BTBD7: variants seen among roughly 807,000 people sequenced by gnomAD.
BTBD7 encodes the protein BTB domain containing 7.
Under a neutral mutation model 99.9 loss-of-function variants are expected in BTBD7, and 38 were observed. The observed-to-expected ratio is 0.38, with a 90% CI of 0.29 to 0.50. The LOEUF is 0.50. Among genes scored for constraint, BTBD7 ranks in the 20% least tolerant of loss-of-function variants. BTBD7 has a pLI of 0.93. For missense variants in BTBD7, 1,170 were observed against 1,394.6 expected (o/e 0.84, Z 2.57); for synonymous variants, 520 against 511.4 (o/e 1.02, Z -0.23).
intron 6 of BTBD7, among the ~76,000 whole-genome samples, chr14:93,255,312 A>G (rs1460724169): frequency 6.6e-6 from 1 of 151,832 alleles, no homozygotes; most frequent in Non-Finnish European, 1.5e-5. Context: ...TGCCTGGCTA[A>G]TTTTTGTATT....
chr14:93,294,170 G>A lies in BTBD7; in HGVS notation c.850C>T (p.Arg284Trp). ...LKAHKAVISARSPFFRNLLQR... is the reference protein window; with the variant it reads ...LKAHKAVISAWSPFFRNLLQR... ...AATAAATTTCGAAAAAATGGGGACC[G>A]TGCAGAAATAACAGCCTTGTGGGCT... is the stretch of plus-strand genomic sequence containing the variant. Residue 284 changes from arginine (R) to tryptophan (W), a missense_variant, in exon 3 of 11, where the codon CGG becomes TGG. By Grantham distance (101) the Arg-to-Trp change is moderately radical. Transcript: ENST00000334746. 6.2e-7 allele frequency: 1 copy of A among 1,614,152 alleles called. No individual in the cohort carries two copies. The highest frequency in any genetic ancestry group is 8.5e-7 in the Non-Finnish European group (1 of 1,180,008).
At chr14:93,262,871 T>A (rs8023054) in intron 4 of BTBD7, among the ~76,000 whole-genome samples, 2,131 of 151,370 alleles carry the variant, frequency 0.014, 24 homozygotes, top group Middle Eastern at 0.034. Flanking sequence ...AACACAAACA[T>A]AAAGCGTCCA....
chr14:93,244,083 G>A, intron 10 of BTBD7: 1 of 474,716 alleles, frequency 2.1e-6, no homozygotes, highest in Non-Finnish European at 4.2e-6. Context: ...AAGTGACACA[G>A]TAGAGGAAGG....
rs1027047170 is a variant in BTBD7, at chr14:93,241,082, G to C, written c.*1191C>G. 6 of 151,900 alleles carry C rather than the reference G, an allele frequency of 3.9e-5. No individual in the cohort carries two copies. Among genetic ancestry groups the C allele is most frequent in the African/African-American group, 1.5e-4 (6 of 41,316 alleles). The allele number at this position is 151,900 out of a possible 1,614,324, so 9.4% of individuals were successfully genotyped here. A position where few individuals can be genotyped will look rare whatever the true frequency, so the allele number is the denominator to read the frequency against. On this transcript the variant is annotated 3_prime_UTR_variant, in exon 11 of 11. Transcript: ENST00000334746. ...AGTCAGTTCCGCCATCACAGCTGGA[G>C]AGTTGACGCTCAGAACCAGAAATTC...
chr14:93,248,375 G>A (rs1263565414), intron 9 of BTBD7, 101 bp downstream of exon 9: 6 of 1,264,298 alleles, frequency 4.7e-6, no homozygotes, highest in South Asian at 1.4e-5. Flanking sequence ...AAGCACATAC[G>A]ACGAAAAGGA....
At chr14:93,244,823 A>C (rs1387390389) in intron 10 of BTBD7, among the ~76,000 whole-genome samples, 1 of 150,626 alleles carries the variant, frequency 6.6e-6, no homozygotes, top group Non-Finnish European at 1.5e-5. Flanking sequence ...ATAGCATGTG[A>C]CTGAGTATGA....
Position 93,245,976 on chromosome 14 carries a change from C to A in BTBD7, c.2432G>T (p.Gly811Val), listed in dbSNP as rs1238381263. 5.6e-6 allele frequency: 9 copies of A among 1,613,904 alleles called. No individual in the cohort carries two copies. The highest frequency in any genetic ancestry group is 7.6e-6 in the Non-Finnish European group (9 of 1,180,028). Residue 811 changes from glycine (G) to valine (V), a missense_variant, in exon 10 of 11, where the codon GGC becomes GTC. Physicochemically the swap from Gly to Val is moderately radical, Grantham distance 109. Around this residue, in one of 4 missense-constraint regions of BTBD7, gnomAD observed 495 missense variants for 525.9 expected, o/e 0.94. Transcript: ENST00000334746. ...LFHSRTAPKA[G>V]PPPVYLPSVK... ...ACTCGGCAAGTAGACTGGGGGAGGG[C>A]CAGCTTTAGGAGCTGTTCTGGAGTG...
rs1433883736 is a variant in BTBD7, at chr14:93,332,826, G to A, written c.-113C>T. ...GACACCAAGGGACACTCACCCCGGA[G>A]GCTCCTCCCGCCGCTGCTGCTGCCG... On this transcript the variant is annotated 5_prime_UTR_variant, in exon 1 of 11. Transcript: ENST00000334746. The A allele has an allele frequency of 4.7e-6, 7 of 1,477,224 alleles. No homozygotes were observed. Among genetic ancestry groups the A allele is most frequent in the African/African-American group, 4.4e-5 (3 of 68,184 alleles). 91.5% of individuals were successfully genotyped at this position (1,477,224 alleles called of 1,614,324 possible).
rs1365058301 is a variant in BTBD7, at chr14:93,242,329, T to A, written c.3343A>T (p.Arg1115Ter). ...GGCTTGCTTGGTGACCTCCTTCCTC[T>A]GCTTATTGAATCTTCCCTTTCCAAA... is the stretch of plus-strand genomic sequence containing the variant. ...TDLEREDSIS[R>*]GRRSPSKPDF... Residue 1115 changes from arginine (R) to a stop codon, truncating the protein, a stop_gained, in exon 11 of 11, where the codon AGA becomes TGA. Coordinates refer to ENST00000334746, the MANE Select transcript of BTBD7 (RefSeq NM_001002860.4). LOFTEE classifies it high-confidence loss of function. 1 of 1,614,214 alleles carries A rather than the reference T, an allele frequency of 6.2e-7. No individual in the cohort carries two copies. Among genetic ancestry groups the A allele is most frequent in the East Asian group, 2.2e-5 (1 of 44,882 alleles).
intron 10 of BTBD7, chr14:93,244,130 A>T (rs766256354): frequency 4.1e-6 from 2 of 484,494 alleles, no homozygotes; most frequent in East Asian, 6.0e-5. Context: ...AAGCAGCATG[A>T]CAGGAAGCAG....
intron 3 of BTBD7, among the ~76,000 whole-genome samples, chr14:93,276,012 C>T (rs1261569899): frequency 6.6e-6 from 1 of 152,000 alleles, no homozygotes; most frequent in Non-Finnish European, 1.5e-5. Flanking sequence ...CCCAGGAGTC[C>T]AAGACCAGCT....
rs753014587 is a variant in BTBD7 at position 93,294,801 on chromosome 14, A to G, written c.219T>C (p.Arg73=). Residue 73 remains arginine, a synonymous_variant, in exon 3 of 11, where the codon CGT becomes CGC. Transcript: ENST00000334746. The part of the protein sequence containing the change: ...LATLKKKFIK[R]RKSNRSADHA... ...GATCGGCAGACCTATTAGATTTCCG[A>G]CGCTTAATAAACTTCTTTTTGAGGG... The G allele has an allele frequency of 4.3e-6, 7 of 1,613,708 alleles. No homozygotes were observed. The highest frequency in any genetic ancestry group is 5.9e-6 in the Non-Finnish European group (7 of 1,179,982).
In BTBD7 at chr14:93,242,601, G is replaced by A. The variant is rs368457475; in HGVS notation, c.3071C>T (p.Pro1024Leu). Residue 1024 changes from proline to leucine, a missense_variant, in exon 11 of 11, where the codon CCG becomes CTG. By Grantham distance (98) the Pro-to-Leu change is moderately conservative (BLOSUM62 -3). Transcript: ENST00000334746. Reference sequence around the variant, plus strand: ...TTGCTCAACGACATCCAGGTGTATCGGCTCATTCTTTTGTCTGTGTAGATG... The same window carrying A: ...TTGCTCAACGACATCCAGGTGTATCAGCTCATTCTTTTGTCTGTGTAGATG... Reference protein sequence around the residue: ...DGHLHRQKNEPIHLDVVEQPP... With the variant: ...DGHLHRQKNELIHLDVVEQPP... The A allele has an allele frequency of 3.7e-6, 6 of 1,614,024 alleles. No homozygotes were observed. Among genetic ancestry groups the A allele is most frequent in the East Asian group, 4.5e-5 (2 of 44,888 alleles).
chr14:93,257,679 A>G (rs1263601616), intron 5 of BTBD7, among the ~76,000 whole-genome samples: 1 of 152,256 alleles, frequency 6.6e-6, no homozygotes, highest in Non-Finnish European at 1.5e-5. Flanking sequence ...GGCTTTTTAA[A>G]AAGCCTTCTC....
intron 2 of BTBD7, among the ~76,000 whole-genome samples, chr14:93,295,518 CA>C (rs1220300318): frequency 6.6e-6 from 1 of 152,096 alleles, no homozygotes; most frequent in Non-Finnish European, 1.5e-5. Context: ...CCCTGGCTAT[CA>C]AAGGACATTT....
chr14:93,268,301 T>G (rs536036285), intron 3 of BTBD7, among the ~76,000 whole-genome samples: 1 of 152,342 alleles, frequency 6.6e-6, no homozygotes, highest in South Asian at 2.1e-4. Context: ...AAAGTTTCTC[T>G]GGTACCCTGT....
rs572459501 is a variant in BTBD7, at chr14:93,296,246, C to T, written c.-106-89G>A. On this transcript the variant is annotated intron_variant, in intron 1 of 10. Coordinates refer to ENST00000334746, the MANE Select transcript of BTBD7 (RefSeq NM_001002860.4). Reference sequence around the variant, plus strand: ...TTAAAAAGCTACTGAAAACTGCTTTCATTCACAAATAACAACACGCTGTCA... The same window carrying T: ...TTAAAAAGCTACTGAAAACTGCTTTTATTCACAAATAACAACACGCTGTCA... 1.1e-4 allele frequency: 100 copies of T among 946,760 alleles called. 1 individual carries two copies. In the South Asian group the frequency reaches 3.0e-3, roughly 28 times the overall value. 58.6% of individuals were successfully genotyped at this position (946,760 alleles called of 1,614,324 possible).
chr14:93,303,335 G>A (rs973395061), intron 1 of BTBD7, among the ~76,000 whole-genome samples: 15 of 152,040 alleles, frequency 9.9e-5, no homozygotes, highest in African/African-American at 3.6e-4. Flanking sequence ...CAGGCATGGT[G>A]ACACATGCCT....
At chr14:93,308,242 G>A (rs1044314812) in intron 1 of BTBD7, among the ~76,000 whole-genome samples, 23 of 145,938 alleles carry the variant, frequency 1.6e-4, no homozygotes, top group Admixed American at 1.3e-3. Flanking sequence ...AGCTGAGATC[G>A]CACCACTGCA....
Sources: allele counts gnomAD v4.1 joint callset (sites outside exome capture counted in the v4.1 genomes callset), GRCh38; gene constraint gnomAD v4.1.1; regional missense constraint gnomAD v4.1.1; transcripts MANE v1.5; gene names NCBI Gene and HGNC (gene_info 2026-07-23, HGNC 2026-07-21).